Variants in STK17A observed in about 807,000 individuals in gnomAD.
The protein encoded by STK17A is serine/threonine-protein kinase 17A.
In STK17A, 26 loss-of-function variants were observed where a neutral mutation model predicts 43.7. The observed-to-expected ratio is 0.60, with a 90% CI of 0.44 to 0.83. The LOEUF is 0.83. Among genes scored for constraint, STK17A ranks in the 40% least tolerant of loss-of-function variants. The probability of loss-of-function intolerance (pLI) is 0.00; values close to 1 mark genes in which losing one functional copy is unlikely to be tolerated. For synonymous variants in STK17A, 191 were observed against 182.5 expected (o/e 1.05, Z -0.38); for missense variants, 476 against 511.6 (o/e 0.93, Z 0.67).
At chr7:43,619,838 C>T (rs2083696587) in intron 4 of STK17A, 115 bp downstream of exon 4, 2 of 1,319,518 alleles carry the variant, frequency 1.5e-6, no homozygotes, top group South Asian at 1.4e-5. Context: ...TGAAATTCTA[C>T]CATCAGAGAT....
chr7:43,587,518 A>G (rs779500529), intron 1 of STK17A, among the ~76,000 whole-genome samples: 1 of 151,384 alleles, frequency 6.6e-6, no homozygotes, highest in African/African-American at 2.4e-5. Context: ...AGAGAATAAG[A>G]GAATATTCAA....
At chr7:43,619,190 G>T (rs10239225) in intron 3 of STK17A, among the ~76,000 whole-genome samples, 22,261 of 152,190 alleles carry the variant, frequency 0.15, 2,164 homozygotes, top group Non-Finnish European at 0.21. Flanking sequence ...AATGAAGGCA[G>T]ATTCAGTCAA....
rs150549612 is a variant in STK17A at position 43,605,756 on chromosome 7, T to TCC, written c.420-2499_420-2498dup. On this transcript the variant is annotated intron_variant, in intron 2 of 6. Coordinates refer to ENST00000319357, the MANE Select transcript of STK17A (RefSeq NM_004760.3). ...GCTTACCTTTTCTCACAGCTCATGG[T>TCC]CCTATACCTGTTGTTCTAATGCCTG... Among the ~76,000 whole-genome samples the TCC allele has an allele frequency of 2.8e-3, 433 of 152,152 alleles. 1 individual carries two copies. Among genetic ancestry groups the TCC allele is most frequent in the African/African-American group, 9.8e-3 (406 of 41,518 alleles).
At chr7:43,593,991 TC>T (rs2082498023) in intron 1 of STK17A, among the ~76,000 whole-genome samples, 1 of 152,182 alleles carries the variant, frequency 6.6e-6, no homozygotes, top group Admixed American at 6.5e-5. Flanking sequence ...GTTGTATTGT[TC>T]CAGGAGCAAC....
rs1410381522 is a variant in STK17A at position 43,623,731 on chromosome 7, G to T, written c.763G>T (p.Val255Phe). Residue 255 changes from valine (V) to phenylalanine (F), a missense_variant, in exon 6 of 7, where the codon GTC becomes TTC. By Grantham distance (50) the Val-to-Phe change is conservative. Coordinates refer to ENST00000319357, the MANE Select transcript of STK17A (RefSeq NM_004760.3). Reference protein sequence around the residue: ...DMWSIGVLTYVMLTGISPFLG... With the variant: ...DMWSIGVLTYFMLTGISPFLG... ...TAGGAGCATTGGAGTGTTAACATAT[G>T]TCATGCTTACAGGAATATCACCTTT... is the stretch of plus-strand genomic sequence containing the variant. 1.9e-6 allele frequency: 3 copies of T among 1,606,944 alleles called. No individual in the cohort carries two copies. Among genetic ancestry groups the T allele is most frequent in the Admixed American group, 3.4e-5 (2 of 58,780 alleles).
chr7:43,616,159 A>G (rs760033028), intron 3 of STK17A, among the ~76,000 whole-genome samples: 7 of 152,184 alleles, frequency 4.6e-5, no homozygotes, highest in Non-Finnish European at 7.4e-5. Context: ...GTCTGCTCAC[A>G]TATCTCCTCT....
chr7:43,589,708 C>G (rs1195058433), intron 1 of STK17A, among the ~76,000 whole-genome samples: 1 of 142,516 alleles, frequency 7.0e-6, no homozygotes, highest in African/African-American at 2.5e-5. Context: ...CAACTCACAC[C>G]TGCCAGGGAG....
At chr7:43,592,595 A>G (rs967875658) in intron 1 of STK17A, among the ~76,000 whole-genome samples, 1 of 151,986 alleles carries the variant, frequency 6.6e-6, no homozygotes, top group African/African-American at 2.4e-5. Flanking sequence ...CATGCCTACA[A>G]TCCCAGCATT....
Position 43,624,872 on chromosome 7 carries a change from T to G in STK17A, c.*30T>G. ...TATTTCCCTTTAGAACTTCAAGATT[T>G]CTACATTGAAAATGTTAATATTATT... On this transcript the variant is annotated 3_prime_UTR_variant, in exon 7 of 7. Transcript: ENST00000319357. The G allele has an allele frequency of 1.9e-6, 3 of 1,541,700 alleles. No individual in the cohort carries two copies. Among genetic ancestry groups the G allele is most frequent in the South Asian group, 1.3e-5 (1 of 79,362 alleles).
chr7:43,594,273 A>AG (rs902121662), intron 1 of STK17A, among the ~76,000 whole-genome samples: 2 of 151,502 alleles, frequency 1.3e-5, no homozygotes, highest in African/African-American at 4.9e-5. Context: ...GGAAAAAAAA[A>AG]AAACCCATGG....
intron 1 of STK17A, among the ~76,000 whole-genome samples, chr7:43,595,252 T>TA (rs1247120561): frequency 9.5e-5 from 14 of 148,028 alleles, no homozygotes; most frequent in Non-Finnish European, 1.2e-4. Context: ...CAATTTCTAT[T>TA]AAAAAATCAA....
At position 43,623,793 on chromosome 7, in the gene STK17A, C is replaced by T. The variant is rs778221851; in HGVS notation, c.825C>T (p.Ile275=). ...ATAAACAAGAAACATTCTTAAACAT[C>T]TCACAGATGAATTTAAGTTATTCTG... ...GNDKQETFLN[I]SQMNLSYSEE... Residue 275 remains isoleucine, a synonymous_variant, in exon 6 of 7, where the codon ATC becomes ATT. Transcript: ENST00000319357. The T allele has an allele frequency of 1.2e-6, 2 of 1,608,208 alleles. No individual in the cohort carries two copies. The highest frequency in any genetic ancestry group is 2.2e-5 in the South Asian group (2 of 89,300).
At chr7:43,614,641 T>C (rs1302383410) in intron 3 of STK17A, among the ~76,000 whole-genome samples, 1 of 152,202 alleles carries the variant, frequency 6.6e-6, no homozygotes, top group East Asian at 1.9e-4. Flanking sequence ...GGCCACATAA[T>C]AAATATTAAC....
chr7:43,593,732 G>A (rs754158942), intron 1 of STK17A, among the ~76,000 whole-genome samples: 9 of 145,974 alleles, frequency 6.2e-5, no homozygotes, highest in Non-Finnish European at 7.5e-5. Context: ...TTTTTTTCTC[G>A]TTTTTTGAGT....
intron 1 of STK17A, among the ~76,000 whole-genome samples, chr7:43,591,626 A>G (rs913435155): frequency 1.3e-5 from 2 of 151,582 alleles, no homozygotes; most frequent in African/African-American, 4.8e-5. Context: ...GAGCCGTGGG[A>G]ACTGCATTCT....
At chr7:43,610,153 T>C (rs1408719661) in intron 3 of STK17A, among the ~76,000 whole-genome samples, 1 of 151,356 alleles carries the variant, frequency 6.6e-6, no homozygotes, top group Non-Finnish European at 1.5e-5. Flanking sequence ...GAGACCATCC[T>C]GGCTAACACG....
intron 3 of STK17A, among the ~76,000 whole-genome samples, chr7:43,618,236 G>C (rs1393182103): frequency 6.6e-6 from 1 of 152,190 alleles, no homozygotes; most frequent in African/African-American, 2.4e-5. Context: ...CCTGGAAGGA[G>C]CAGGGGAGGC....
At position 43,615,728 on chromosome 7, in the gene STK17A, T is replaced by C. The variant is rs117900604; in HGVS notation, c.565-3869T>C. Among the ~76,000 whole-genome samples the C allele has an allele frequency of 3.9e-4, 60 of 152,328 alleles. No homozygotes were observed. In the East Asian group the frequency reaches 0.012, roughly 29 times the overall value. ...CTCGTACCCCTTTTGCCTTGTGCTG[T>C]CGTCCAGCCACACAGGATTTCCTGC... is the stretch of plus-strand genomic sequence containing the variant. On this transcript the variant is annotated intron_variant, in intron 3 of 6. Coordinates refer to ENST00000319357, the MANE Select transcript of STK17A (RefSeq NM_004760.3).
chr7:43,587,193 C>T (rs868666259), intron 1 of STK17A, among the ~76,000 whole-genome samples: 20 of 118,716 alleles, frequency 1.7e-4, no homozygotes, highest in South Asian at 5.2e-4. Context: ...CTCGCTCTGT[C>T]GCCCAGGCTA....
Sources: allele counts gnomAD v4.1 joint callset (sites outside exome capture counted in the v4.1 genomes callset), GRCh38; gene constraint gnomAD v4.1.1; transcripts MANE v1.5; gene names NCBI Gene and HGNC (gene_info 2026-07-23, HGNC 2026-07-21).